Variants in ME3 observed in about 807,000 individuals in gnomAD.
ME3 encodes the protein NADP-dependent malic enzyme, mitochondrial.
A neutral mutation model predicts 68.9 loss-of-function variants in ME3; 48 were observed. That is an observed-to-expected ratio of 0.70 (90% confidence interval 0.55 to 0.89). The LOEUF (loss-of-function observed/expected upper bound fraction) is 0.89. ME3 is among the 40% of genes least tolerant of loss of function. The pLI is 0.00. For synonymous variants in ME3, 320 were observed against 318.8 expected (o/e 1.00, Z -0.04); for missense variants, 675 against 797.4 (o/e 0.85, Z 1.85).
chr11:86,607,776 ACT>A (rs1011894741), intron 2 of ME3, among the ~76,000 whole-genome samples: 1 of 151,552 alleles, frequency 6.6e-6, no homozygotes, highest in African/African-American at 2.4e-5. Flanking sequence ...CTCGCAGTGA[ACT>A]CTCTTATACG....
intron 4 of ME3, among the ~76,000 whole-genome samples, chr11:86,527,637 A>G (rs1412387688): frequency 6.6e-6 from 1 of 152,240 alleles, no homozygotes; most frequent in Non-Finnish European, 1.5e-5. Context: ...AGGGAAGCCC[A>G]TCAGACTAAC....
intron 6 of ME3, among the ~76,000 whole-genome samples, chr11:86,491,560 C>G (rs370845498): frequency 6.6e-6 from 1 of 152,196 alleles, no homozygotes; most frequent in Non-Finnish European, 1.5e-5. Flanking sequence ...GGCAGAGCTC[C>G]TATGGCTGAC....
At chr11:86,605,794 C>T (rs1961539600) in intron 2 of ME3, among the ~76,000 whole-genome samples, 1 of 1,922 alleles carries the variant, frequency 5.2e-4, no homozygotes, top group Non-Finnish European at 2.1e-3. Context: ...GTCATACAGT[C>T]AGAGGGGGAG....
chr11:86,456,994 A>C (rs1018287191), intron 8 of ME3, among the ~76,000 whole-genome samples: 24 of 152,150 alleles, frequency 1.6e-4, no homozygotes, highest in African/African-American at 5.6e-4. Flanking sequence ...TTCACCACCA[A>C]GTCTTCAGAC....
intron 9 of ME3, 125 bp from the exon 10 acceptor site, chr11:86,450,127 T>C: frequency 1.0e-6 from 1 of 963,530 alleles, no homozygotes; most frequent in Non-Finnish European, 1.6e-6. Flanking sequence ...GAGGCCCAAT[T>C]AAGTCCTTGC....
intron 4 of ME3, among the ~76,000 whole-genome samples, chr11:86,538,775 A>G (rs907308973): frequency 1.5e-4 from 23 of 152,158 alleles, no homozygotes; most frequent in African/African-American, 5.3e-4. Flanking sequence ...CCCACTGGAA[A>G]GTGCATCATG....
At chr11:86,500,696 T>C (rs192190349) in intron 5 of ME3, among the ~76,000 whole-genome samples, 4 of 152,364 alleles carry the variant, frequency 2.6e-5, no homozygotes, top group Non-Finnish European at 1.5e-5. Flanking sequence ...TGTACACAAT[T>C]GCCTTCTCTG....
At chr11:86,668,032 A>G (rs1429369432) in intron 2 of ME3, 1 of 152,180 alleles carries the variant, frequency 6.6e-6, no homozygotes, top group Non-Finnish European at 1.5e-5. Flanking sequence ...AATTTGCATC[A>G]TTTAGAAAAT....
At chr11:86,663,258 C>T (rs116283438) in intron 2 of ME3, among the ~76,000 whole-genome samples, 1,885 of 152,304 alleles carry the variant, frequency 0.012, 46 homozygotes, top group African/African-American at 0.043. Flanking sequence ...GGCTTTCTCT[C>T]ATTCAAGTTT....
intron 4 of ME3, among the ~76,000 whole-genome samples, chr11:86,517,311 A>G (rs1334904341): frequency 6.6e-6 from 1 of 152,144 alleles, no homozygotes; most frequent in African/African-American, 2.4e-5. Context: ...AGAGTTCCAG[A>G]TAAGACTACT....
chr11:86,575,774 T>A (rs192936213), intron 2 of ME3, among the ~76,000 whole-genome samples: 18 of 152,250 alleles, frequency 1.2e-4, no homozygotes, highest in Non-Finnish European at 2.5e-4. Context: ...CTTGGTCTTA[T>A]TCATTTTTGC....
intron 4 of ME3, among the ~76,000 whole-genome samples, chr11:86,510,784 T>TA (rs1249999014): frequency 5.3e-5 from 8 of 152,226 alleles, no homozygotes; most frequent in Admixed American, 3.9e-4. Context: ...CTAGACCTTT[T>TA]ATTTAACTGC....
At chr11:86,555,374 G>T (rs1429208353) in intron 4 of ME3, among the ~76,000 whole-genome samples, 4 of 152,196 alleles carry the variant, frequency 2.6e-5, no homozygotes, top group African/African-American at 7.2e-5. Context: ...TGTACCATCA[G>T]CTCCTAATGT....
chr11:86,513,482 T>G lies in ME3; in HGVS notation c.468-4615A>C, dbSNP rs541523530. On this transcript the variant is annotated intron_variant, in intron 4 of 14. Coordinates refer to ENST00000543262, the Ensembl canonical transcript of ME3. Reference sequence around the variant, plus strand: ...CTAAAGTCCAGAGAGGTGAAGTCACTTGTCCAAGGTCACACAGCTCATAAG... The same window carrying G: ...CTAAAGTCCAGAGAGGTGAAGTCACGTGTCCAAGGTCACACAGCTCATAAG... Among the ~76,000 whole-genome samples the G allele has an allele frequency of 1.3e-3, 199 of 152,318 alleles. 4 individuals carry two copies. Among genetic ancestry groups the G allele is most frequent in the Admixed American group, 0.013 (192 of 15,292 alleles).
intron 10 of ME3, 83 bp from the exon 11 acceptor site, chr11:86,448,338 C>T (rs867216197): frequency 1.4e-5 from 14 of 1,014,158 alleles, no homozygotes; most frequent in South Asian, 1.2e-4. Context: ...ACTCTGAGAG[C>T]GTTTCCTGCT....
At chr11:86,560,742 G>GTATATATATATATATATATATATA (rs1201892920) in intron 2 of ME3, among the ~76,000 whole-genome samples, 1 of 58,294 alleles carries the variant, frequency 1.7e-5, no homozygotes, top group African/African-American at 5.6e-5. Flanking sequence ...GTGTGTGTGT[G>GTATATATATATATATATATATATA]TGTGTGTATA....
intron 4 of ME3, among the ~76,000 whole-genome samples, chr11:86,537,342 A>C (rs1955748752): frequency 1.3e-5 from 2 of 151,268 alleles, no homozygotes; most frequent in South Asian, 4.1e-4. Flanking sequence ...AATATTAAAT[A>C]TGCATTAAAT....
intron 4 of ME3, among the ~76,000 whole-genome samples, chr11:86,522,535 T>G (rs1022241798): frequency 6.6e-6 from 1 of 151,342 alleles, no homozygotes; most frequent in Non-Finnish European, 1.5e-5. Context: ...CGCCCCCTCC[T>G]TGACCCGCCG....
chr11:86,650,938 G>A (rs900332264), intron 2 of ME3, among the ~76,000 whole-genome samples: 1 of 152,244 alleles, frequency 6.6e-6, no homozygotes, highest in African/African-American at 2.4e-5. Flanking sequence ...CGGCACACCA[G>A]GAGATTGTAT....
Sources: gnomAD v4.1 joint callset for allele counts (sites outside exome capture counted in the v4.1 genomes callset) on GRCh38, gnomAD v4.1.1 for gene constraint, MANE v1.5 for transcripts, NCBI Gene and HGNC (gene_info 2026-07-23, HGNC 2026-07-21) for gene names.